Variants in SLC28A1 observed in about 807,000 individuals in gnomAD.
The protein encoded by SLC28A1 is sodium/nucleoside cotransporter 1.
Under a neutral mutation model 74.8 loss-of-function variants are expected in SLC28A1, and 64 were observed. That is an observed-to-expected ratio of 0.86 (90% CI 0.70 to 1.05). The LOEUF is 1.05. Ranked by LOEUF, SLC28A1 falls within the 50% of genes least tolerant of loss-of-function variation. SLC28A1 has a pLI of 0.00. For missense variants in SLC28A1, 828 were observed against 822.8 expected, an observed-to-expected ratio of 1.01 and a Z score of -0.08; for synonymous variants, 359 against 335.0, an observed-to-expected ratio of 1.07 and a Z score of -0.78.
At chr15:84,914,507 T>C (rs1968802061) in intron 9 of SLC28A1, among the ~76,000 whole-genome samples, 1 of 152,216 alleles carries the variant, frequency 6.6e-6, no homozygotes, top group Non-Finnish European at 1.5e-5. Flanking sequence ...GGGAAATGCA[T>C]CTGCCTCTTT....
intron 10 of SLC28A1, among the ~76,000 whole-genome samples, chr15:84,920,610 A>G (rs1224408185): frequency 3.3e-5 from 5 of 152,178 alleles, no homozygotes; most frequent in African/African-American, 1.2e-4. Flanking sequence ...TAGGGAAACT[A>G]GGCTAGACAT....
intron 6 of SLC28A1, among the ~76,000 whole-genome samples, chr15:84,896,486 G>A (rs1966010665): frequency 6.6e-6 from 1 of 152,182 alleles, no homozygotes; most frequent in Non-Finnish European, 1.5e-5. Flanking sequence ...AGACACTGCT[G>A]GTGGAAATGC....
chr15:84,941,858 A>C (rs1262952785), intron 15 of SLC28A1, among the ~76,000 whole-genome samples: 1 of 152,190 alleles, frequency 6.6e-6, no homozygotes, highest in Admixed American at 6.5e-5. Flanking sequence ...GAAAGTGTTA[A>C]ATTCGTGAAA....
At position 84,945,388 on chromosome 15, in the gene SLC28A1, A is replaced by G; in HGVS notation, c.*188A>G. 1 of 648,438 alleles carries G rather than the reference A, an allele frequency of 1.5e-6. No individual in the cohort carries two copies. The highest frequency in any genetic ancestry group is 2.8e-6 in the Non-Finnish European group (1 of 352,948). The allele number at this position is 648,438 out of a possible 1,614,324, so 40.2% of individuals were successfully genotyped here. On this transcript the variant is annotated 3_prime_UTR_variant, in exon 19 of 19. Transcript: ENST00000394573. Reference sequence around the variant, plus strand: ...AGTGAGTGAGGACATAAGGAAGGACATGTCCCACTCCATCCCCCTTCCTGC... The same window carrying G: ...AGTGAGTGAGGACATAAGGAAGGACGTGTCCCACTCCATCCCCCTTCCTGC...
At chr15:84,921,957 G>A (rs978777527) in intron 11 of SLC28A1, among the ~76,000 whole-genome samples, 5 of 152,212 alleles carry the variant, frequency 3.3e-5, no homozygotes, top group Admixed American at 2.0e-4. Context: ...GTAGGTGAAA[G>A]TGACATTGGG....
chr15:84,936,672 C>A (rs972783162), intron 15 of SLC28A1, among the ~76,000 whole-genome samples: 4 of 152,132 alleles, frequency 2.6e-5, no homozygotes, highest in African/African-American at 9.7e-5. Flanking sequence ...AGAATAGTAA[C>A]ATTATTGAGA....
intron 12 of SLC28A1, among the ~76,000 whole-genome samples, chr15:84,927,321 G>A (rs971410484): frequency 2.0e-5 from 3 of 152,194 alleles, no homozygotes; most frequent in African/African-American, 7.2e-5. Flanking sequence ...ACACACGGGG[G>A]CCTTCAGAAG....
intron 8 of SLC28A1, among the ~76,000 whole-genome samples, chr15:84,906,573 T>G (rs58181567): frequency 0.03 from 2,977 of 97,982 alleles, 184 homozygotes; most frequent in African/African-American, 0.092. Context: ...TCTCTTTCTT[T>G]CTTCCTTCCT....
At chr15:84,943,386 A>G (rs1348238385) in intron 15 of SLC28A1, 59 bp from the exon 16 acceptor site, 21 of 1,229,832 alleles carry the variant, frequency 1.7e-5, no homozygotes, top group Non-Finnish European at 2.4e-5. Flanking sequence ...TGGGTGTTAT[A>G]GGGGTGCCCC....
the SLC28A1 span, among the ~76,000 whole-genome samples, chr15:84,968,177 T>A: frequency 0.013 from 2,002 of 152,262 alleles, 40 homozygotes; most frequent in African/African-American, 0.037. Context: ...AAGAGAGGAC[T>A]TGTTGTTTCC....
In SLC28A1 at chr15:84,894,997, T is replaced by C. The variant is rs1361460395; in HGVS notation, c.335T>C (p.Leu112Pro). ...CLLDFQRALALFVLTCVVLTF... is the reference protein window; with the variant it reads ...CLLDFQRALAPFVLTCVVLTF... ...CTGGATTTCCAGAGGGCCCTGGCTC[T>C]GTTTGTCCTCACCTGTGTGGTCCTC... The change falls in exon 6 of 19, where the codon CTG (leucine) becomes CCG (proline). Residue 112 changes from leucine (L) to proline (P), a missense_variant. This residue lies in a region of SLC28A1 where 767 missense variants were observed against 753.5 expected (regional missense o/e 1.02). Transcript: ENST00000394573. 1.2e-6 allele frequency: 2 copies of C among 1,614,094 alleles called. No homozygotes were observed. The highest frequency in any genetic ancestry group is 1.7e-6 in the Non-Finnish European group (2 of 1,180,046).
At chr15:84,889,085 A>G (rs184320677) in intron 4 of SLC28A1, among the ~76,000 whole-genome samples, 2 of 152,176 alleles carry the variant, frequency 1.3e-5, no homozygotes, top group African/African-American at 4.8e-5. Flanking sequence ...AAATCCCATC[A>G]GGAACCCCAG....
At chr15:84,922,341 T>G (rs1969925994) in intron 11 of SLC28A1, among the ~76,000 whole-genome samples, 1 of 152,086 alleles carries the variant, frequency 6.6e-6, no homozygotes, top group Non-Finnish European at 1.5e-5. Flanking sequence ...GAACTGTTGC[T>G]CCCCTCCCTC....
At chr15:84,973,935 T>C in the SLC28A1 span, among the ~76,000 whole-genome samples, 20 of 152,280 alleles carry the variant, frequency 1.3e-4, no homozygotes, top group Non-Finnish European at 2.2e-4. Flanking sequence ...AGTCTTCTCT[T>C]CAAGCAGGCT....
chr15:84,970,508 C>T, the SLC28A1 span, among the ~76,000 whole-genome samples: 16 of 152,262 alleles, frequency 1.1e-4, no homozygotes, highest in East Asian at 1.2e-3. Context: ...GGACAGAAAA[C>T]GAACTGTGTC....
intron 15 of SLC28A1, among the ~76,000 whole-genome samples, chr15:84,938,171 G>T (rs186234672): frequency 4.3e-5 from 6 of 140,862 alleles, no homozygotes; most frequent in Non-Finnish European, 9.0e-5. Context: ...TTGTACTCCA[G>T]CCTGGGCAAC....
chr15:84,928,619 TCTTTCTTTCTTTC>T (rs540051278), intron 12 of SLC28A1, among the ~76,000 whole-genome samples: 15,590 of 40,722 alleles, frequency 0.38, 5,831 homozygotes, highest in Middle Eastern at 0.65. Flanking sequence ...TTCTTTCTTT[TCTTTCTTTCTTTC>T]TTTTTTTTTG....
chr15:84,950,590 C>T (rs1375910558), downstream of SLC28A1, among the ~76,000 whole-genome samples: 1 of 152,074 alleles, frequency 6.6e-6, no homozygotes, highest in East Asian at 1.9e-4. Context: ...GCAAGCAGTC[C>T]TAGATACTCA....
At chr15:84,910,178 C>T (rs1194677136) in intron 9 of SLC28A1, among the ~76,000 whole-genome samples, 1 of 152,164 alleles carries the variant, frequency 6.6e-6, no homozygotes, top group Non-Finnish European at 1.5e-5. Context: ...GTCTTCTTGC[C>T]CCCTGGGCAA....
Sources: gnomAD v4.1 joint callset for allele counts (sites outside exome capture counted in the v4.1 genomes callset) on GRCh38, gnomAD v4.1.1 for gene constraint, gnomAD v4.1.1 regional missense constraint, MANE v1.5 for transcripts, NCBI Gene and HGNC (gene_info 2026-07-23, HGNC 2026-07-21) for gene names.